The following JARID2 variants were observed in gnomAD, a reference collection of about 807,000 sequenced individuals.
The protein encoded by JARID2 is jumonji and AT-rich interaction domain containing 2, also known as protein Jumonji.
Under a neutral mutation model 125.6 loss-of-function variants are expected in JARID2, and 21 were observed. The observed-to-expected ratio is 0.17, with a 90% confidence interval of 0.12 to 0.24. The LOEUF (loss-of-function observed/expected upper bound fraction) is 0.24. Among genes scored for constraint, JARID2 ranks in the 10% least tolerant of loss-of-function variants. JARID2 has a pLI of 1.00. For synonymous variants in JARID2, 736 were observed against 661.6 expected, an observed-to-expected ratio of 1.11 and a Z score of -1.73; for missense variants, 1,303 against 1,639.6, an observed-to-expected ratio of 0.79 and a Z score of 3.55.
At chr6:15,379,359 A>T (rs774186542) in intron 2 of JARID2, among the ~76,000 whole-genome samples, 7 of 152,178 alleles carry the variant, frequency 4.6e-5, no homozygotes, top group Admixed American at 1.3e-4. Context: ...CTTTTCATGG[A>T]TGTAATAAAT....
intron 7 of JARID2, among the ~76,000 whole-genome samples, chr6:15,498,884 G>A (rs577414031): frequency 3.3e-5 from 5 of 152,370 alleles, no homozygotes; most frequent in South Asian, 4.1e-4. Context: ...TGATGGAACC[G>A]CACCAAGTCC....
intron 1 of JARID2, among the ~76,000 whole-genome samples, chr6:15,346,201 C>G (rs575711770): frequency 6.6e-6 from 1 of 152,186 alleles, no homozygotes; most frequent in Non-Finnish European, 1.5e-5. Flanking sequence ...CCCAAAGATC[C>G]TGGCTTCCAT....
At chr6:15,262,861 C>A (rs566200594) in intron 1 of JARID2, among the ~76,000 whole-genome samples, 1 of 152,090 alleles carries the variant, frequency 6.6e-6, no homozygotes, top group African/African-American at 2.4e-5. Flanking sequence ...CTGCGGTGAA[C>A]GTTTGTGTGG....
At chr6:15,346,507 C>T (rs1160569331) in intron 1 of JARID2, among the ~76,000 whole-genome samples, 1 of 152,110 alleles carries the variant, frequency 6.6e-6, no homozygotes, top group Non-Finnish European at 1.5e-5. Context: ...GTTTGCAGGG[C>T]AGATTAGTAG....
chr6:15,355,459 G>T (rs755209889), intron 1 of JARID2, among the ~76,000 whole-genome samples: 1 of 152,136 alleles, frequency 6.6e-6, no homozygotes, highest in Non-Finnish European at 1.5e-5. Flanking sequence ...TTCACACACA[G>T]TATTTCAAAA....
intron 2 of JARID2, among the ~76,000 whole-genome samples, chr6:15,375,742 G>A (rs11961233): frequency 0.031 from 4,697 of 152,236 alleles, 251 homozygotes; most frequent in African/African-American, 0.11. Flanking sequence ...GGGGGGTTGG[G>A]TATGAAGGAG....
chr6:15,264,612 A>AGAGTGTGT (rs1554116823), intron 1 of JARID2, among the ~76,000 whole-genome samples: 3 of 146,138 alleles, frequency 2.1e-5, no homozygotes, highest in Non-Finnish European at 4.5e-5. Flanking sequence ...GGTAGGTGTG[A>AGAGTGTGT]GTGTGTGTGT....
At chr6:15,392,023 G>T (rs1158739485) in intron 2 of JARID2, among the ~76,000 whole-genome samples, 1 of 150,076 alleles carries the variant, frequency 6.7e-6, no homozygotes. Context: ...AGGCACCAGT[G>T]CAGTGATCCC....
At position 15,468,528 on chromosome 6, in the gene JARID2, T is replaced by C; in HGVS notation, c.494-14T>C. 9 of 1,606,802 alleles carry C rather than the reference T, an allele frequency of 5.6e-6. No individual in the cohort carries two copies. Among genetic ancestry groups the C allele is most frequent in the Non-Finnish European group, 6.8e-6 (8 of 1,175,832 alleles). On this transcript the variant is annotated splice_polypyrimidine_tract_variant and intron_variant, in intron 4 of 17. Coordinates refer to ENST00000341776, the MANE Select transcript of JARID2 (RefSeq NM_004973.4). ...AAGGCCTGTGTTTATGAGCTGTTTT[T>C]CTTATTCCACCAGGTTCTCCTGCGC... is the stretch of plus-strand genomic sequence containing the variant.
At chr6:15,256,514 C>T (rs1759671328) in intron 1 of JARID2, among the ~76,000 whole-genome samples, 1 of 152,216 alleles carries the variant, frequency 6.6e-6, no homozygotes, top group Non-Finnish European at 1.5e-5. Context: ...TAGTGGCTCT[C>T]TGGTCCTCAG....
chr6:15,263,733 C>G (rs1411360830), intron 1 of JARID2, among the ~76,000 whole-genome samples: 1 of 151,906 alleles, frequency 6.6e-6, no homozygotes, highest in Non-Finnish European at 1.5e-5. Context: ...GCCAGGATTA[C>G]AGGCACCCGC....
Position 15,468,731 on chromosome 6 carries a change from T to C in JARID2, c.670+13T>C, listed in dbSNP as rs1231761093. 1 of 1,598,708 alleles carries C rather than the reference T, an allele frequency of 6.3e-7. No individual in the cohort carries two copies. The highest frequency in any genetic ancestry group is 8.5e-7 in the Non-Finnish European group (1 of 1,172,266). On this transcript the variant is annotated intron_variant, in intron 5 of 17. Transcript: ENST00000341776. Reference sequence around the variant, plus strand: ...CACAACGGGCATGGTAGGTCCACCGTTGAACTTGGATAAGAAAAAATCTAA... The same window carrying C: ...CACAACGGGCATGGTAGGTCCACCGCTGAACTTGGATAAGAAAAAATCTAA...
chr6:15,487,065 G>A (rs1170044125), intron 5 of JARID2, among the ~76,000 whole-genome samples: 1 of 152,136 alleles, frequency 6.6e-6, no homozygotes, highest in Non-Finnish European at 1.5e-5. Flanking sequence ...GAAAGGTAGA[G>A]CGTGAGGTGG....
chr6:15,501,256 C>T lies in JARID2; in HGVS notation c.2295C>T (p.Ala765=), dbSNP rs1770719389. The T allele has an allele frequency of 1.2e-6, 2 of 1,613,640 alleles. No homozygotes were observed. Among genetic ancestry groups the T allele is most frequent in the Non-Finnish European group, 8.5e-7 (1 of 1,179,700 alleles). Residue 765 remains alanine (A), a synonymous_variant, in exon 8 of 18, where the codon GCC becomes GCT. Coordinates refer to ENST00000341776, the MANE Select transcript of JARID2 (RefSeq NM_004973.4). ...AGAATGGGCTCATCCACGGCGTGGC[C>T]CCCAGGAACGGCTTCCGCAGCAAGC... ...EPKNGLIHGV[A]PRNGFRSKLK...
At chr6:15,373,591 G>T (rs986131549) in intron 1 of JARID2, among the ~76,000 whole-genome samples, 1 of 152,180 alleles carries the variant, frequency 6.6e-6, no homozygotes, top group Admixed American at 6.5e-5. Context: ...AGTGGCCAAT[G>T]CGGATCCAAT....
chr6:15,357,631 G>C, intron 1 of JARID2, among the ~76,000 whole-genome samples: 1 of 151,822 alleles, frequency 6.6e-6, no homozygotes, highest in South Asian at 2.1e-4. Context: ...AAAGACCCTT[G>C]GTCGAGAAAT....
rs1399739095 is a variant in JARID2 at position 15,374,249 on chromosome 6, A to C, written c.178A>C (p.Asn60His). 6.2e-7 allele frequency: 1 copy of C among 1,613,824 alleles called. No individual in the cohort carries two copies. Among genetic ancestry groups the C allele is most frequent in the Non-Finnish European group, 8.5e-7 (1 of 1,179,828 alleles). Residue 60 changes from asparagine (N) to histidine (H), a missense_variant, in exon 2 of 18, where the codon AAT becomes CAT. Transcript: ENST00000341776. Reference sequence around the variant, plus strand: ...CATTGCTGGGAGCCTGAAAACTGTGAATGGTGAGTTGACTCTTGGAATATC... The same window carrying C: ...CATTGCTGGGAGCCTGAAAACTGTGCATGGTGAGTTGACTCTTGGAATATC... ...EGIAGSLKTV[N>H]GLLGNDQSKG...
intron 2 of JARID2, among the ~76,000 whole-genome samples, chr6:15,404,550 CACACACACACACACACACACACAG>C (rs1183784561): frequency 6.0e-5 from 9 of 150,838 alleles, no homozygotes; most frequent in Admixed American, 2.0e-4. Context: ...CACACACACA[CACACACACACACACACACACACAG>C]AAATTGCTGC....
rs758879757 is a variant in JARID2, at chr6:15,410,205, C to T, written c.182-19C>T. 6.2e-7 allele frequency: 1 copy of T among 1,609,554 alleles called. No individual in the cohort carries two copies. The highest frequency in any genetic ancestry group is 1.1e-5 in the South Asian group (1 of 90,616). Reference sequence around the variant, plus strand: ...TGATGTGATGTATTTAAGTGTTTGTCCCCTTTTCTCACCTGTAGGGCTCCT... The same window carrying T: ...TGATGTGATGTATTTAAGTGTTTGTTCCCTTTTCTCACCTGTAGGGCTCCT... On this transcript the variant is annotated intron_variant, in intron 2 of 17. Coordinates refer to ENST00000341776, the MANE Select transcript of JARID2 (RefSeq NM_004973.4).
Sources: gnomAD v4.1 joint callset for allele counts (sites outside exome capture counted in the v4.1 genomes callset) on GRCh38, gnomAD v4.1.1 for gene constraint, MANE v1.5 for transcripts, NCBI Gene and HGNC (gene_info 2026-07-23, HGNC 2026-07-21) for gene names.